Variants in MT1E observed in about 807,000 individuals in gnomAD.
MT1E encodes metallothionein-1E.
In MT1E, 1 loss-of-function variant was observed where a neutral mutation model predicts 2.4. The ratio of observed to expected loss-of-function variants is 0.41; its 90% CI spans 0.15 to 1.97. MT1E has a LOEUF of 1.97. Among genes scored for constraint, MT1E ranks in the 30% most tolerant of loss-of-function variants. MT1E has a pLI of 0.30. For synonymous variants in MT1E, 78 were observed against 63.0 expected, an observed-to-expected ratio of 1.24 and a Z score of -1.13; for missense variants, 145 against 149.6, an observed-to-expected ratio of 0.97 and a Z score of 0.16.
chr16:56,626,809 G>C lies in MT1E; in HGVS notation c.372G>C (p.Gln124His), dbSNP rs564770777. The C allele has an allele frequency of 6.2e-6, 10 of 1,614,160 alleles. No homozygotes were observed. The highest frequency in any genetic ancestry group is 5.3e-5 in the African/African-American group (4 of 75,056). ...GGGTCTGGGTTCTGAGCTCGAGCCA[G>C]GCTTGCTATTAGGGCAGGGAGGTGC... The part of the protein sequence containing the change: ...ILWVWVLSSS[Q>H]ACY Residue 124 changes from glutamine (Q) to histidine (H), a missense_variant, in exon 2 of 2, where the codon CAG (glutamine) becomes CAC (histidine). By Grantham distance (24) the Gln-to-His change is conservative. Coordinates refer to ENST00000330439, the MANE Select transcript of MT1E (RefSeq NM_001363555.2).
chr16:56,626,992 C>G lies in MT1E; in HGVS notation c.*171C>G, dbSNP rs1259488103. 1.2e-6 allele frequency: 2 copies of G among 1,613,932 alleles called. No individual in the cohort carries two copies. The highest frequency in any genetic ancestry group is 1.7e-6 in the Non-Finnish European group (2 of 1,179,902). ...CCTGATGTGGGAACAGCTCTTCTCC[C>G]AGATGTAAATAGAACAACCTGCACA... On this transcript the variant is annotated 3_prime_UTR_variant, in exon 2 of 2. Coordinates refer to ENST00000330439, the MANE Select transcript of MT1E (RefSeq NM_001363555.2).
At position 56,626,662 on chromosome 16, in the gene MT1E, C is replaced by T. The variant is rs1416166618; in HGVS notation, c.225C>T (p.Leu75=). The change falls in exon 2 of 2, where the codon CTC becomes CTT. Residue 75 remains leucine (L), a synonymous_variant. Transcript: ENST00000330439. ...CCTCATTGCCCGTGTCATTCCCTCTCCAGGCTTTCTGCCCTAAATTCAGAT... is the reference window on the plus strand; with the variant it reads ...CCTCATTGCCCGTGTCATTCCCTCTTCAGGCTTTCTGCCCTAAATTCAGAT... ...SLPSLPVSFP[L]QAFCPKFRWG... 1 of 1,601,010 alleles carries T rather than the reference C, an allele frequency of 6.2e-7. No individual in the cohort carries two copies. Among genetic ancestry groups the T allele is most frequent in the African/African-American group, 1.3e-5 (1 of 74,684 alleles).
In MT1E at chr16:56,625,781, A is replaced by C. The variant is rs1156640989; in HGVS notation, c.-71A>C. 8.2e-6 allele frequency: 13 copies of C among 1,578,754 alleles called. No homozygotes were observed. Among genetic ancestry groups the C allele is most frequent in the Non-Finnish European group, 1.1e-5 (13 of 1,149,776 alleles). On this transcript the variant is annotated 5_prime_UTR_variant, in exon 1 of 2. Transcript: ENST00000330439. ...ATAGAGCAGCCAGTTGCAGGGCTCC[A>C]TTCTGCTTTCCAACTGCCTGACTGC...
chr16:56,626,575 G>T lies in MT1E; in HGVS notation c.138G>T (p.Arg46Ser), dbSNP rs764587067. 3 of 1,614,134 alleles carry T rather than the reference G, an allele frequency of 1.9e-6. No homozygotes were observed. Among genetic ancestry groups the T allele is most frequent in the Non-Finnish European group, 2.5e-6 (3 of 1,180,050 alleles). Residue 46 changes from arginine (R) to serine (S), a missense_variant, in exon 2 of 2, where the codon AGG becomes AGT. Transcript: ENST00000330439. The part of the protein sequence containing the change: ...AISRNLGLWL[R>S]LGGNSRLALS... ...CCAGGAATCTGGGGCTGTGGCTCAG[G>T]TTGGGAGGGAACTCAAGGCTGGCCC...
chr16:56,627,069 TA>T lies in MT1E; in HGVS notation c.*249del. On this transcript the variant is annotated 3_prime_UTR_variant, in exon 2 of 2. Coordinates refer to ENST00000330439, the MANE Select transcript of MT1E (RefSeq NM_001363555.2). ...CTGAGCCATTTGCTGCATTTCTTTT[TA>T]TACTAAATATGTGACTGACAATAAA... The T allele has an allele frequency of 6.9e-7, 1 of 1,452,892 alleles. No individual in the cohort carries two copies. Among genetic ancestry groups the T allele is most frequent in the Non-Finnish European group, 9.4e-7 (1 of 1,063,354 alleles). The allele number at this position is 1,452,892 out of a possible 1,614,324, so 90.0% of individuals were successfully genotyped here.
Position 56,626,451 on chromosome 16 carries a change from T to G in MT1E, c.29-15T>G. The G allele has an allele frequency of 6.2e-7, 1 of 1,614,248 alleles. No individual in the cohort carries two copies. The highest frequency in any genetic ancestry group is 8.5e-7 in the Non-Finnish European group (1 of 1,180,044). On this transcript the variant is annotated splice_polypyrimidine_tract_variant and intron_variant, in intron 1 of 1. Transcript: ENST00000330439. ...ATCTCACTCACTGCCCACTGCGTTT[T>G]CCTCTTCCTTGTAGGTGGCTCCTGC... is the stretch of plus-strand genomic sequence containing the variant.
intron 1 of MT1E, 97 bp from the exon 2 acceptor site, chr16:56,626,369 G>A (rs1960208247): frequency 1.3e-6 from 2 of 1,565,206 alleles, no homozygotes; most frequent in Non-Finnish European, 1.8e-6. Context: ...CTGAGGGCTG[G>A]CCCTGCACAG....
chr16:56,625,953 C>T (rs2144308524), intron 1 of MT1E, 74 bp downstream of exon 1: 1 of 1,582,114 alleles, frequency 6.3e-7, no homozygotes, highest in Non-Finnish European at 8.7e-7. Flanking sequence ...TTCAGGAAGT[C>T]GCATTTTAAG....
At chr16:56,626,307 A>G (rs1275014122) in intron 1 of MT1E, among the ~76,000 whole-genome samples, 159 bp from the exon 2 acceptor site, 1 of 152,150 alleles carries the variant, frequency 6.6e-6, no homozygotes, top group African/African-American at 2.4e-5. Context: ...TCCCAGCGTT[A>G]GTGGAGAGGA....
chr16:56,626,485 C>G lies in MT1E; in HGVS notation c.48C>G (p.Ala16=), dbSNP rs372083092. The G allele has an allele frequency of 1.2e-6, 2 of 1,614,096 alleles. No individual in the cohort carries two copies. Among genetic ancestry groups the G allele is most frequent in the African/African-American group, 2.7e-5 (2 of 74,926 alleles). The change falls in exon 2 of 2, where the codon GCC becomes GCG. Residue 16 remains alanine, a synonymous_variant. Transcript: ENST00000330439. ...SCATGGSCTC[A]GSCKCKECKC... ...TTGTAGGTGGCTCCTGCACGTGCGC[C>G]GGCTCCTGCAAGTGCAAAGAGTGCA...
At position 56,626,902 on chromosome 16, in the gene MT1E, G is replaced by C. The variant is rs1289155237; in HGVS notation, c.*81G>C. 6.8e-6 allele frequency: 11 copies of C among 1,614,056 alleles called. No individual in the cohort carries two copies. Among genetic ancestry groups the C allele is most frequent in the South Asian group, 3.3e-5 (3 of 91,094 alleles). ...CAGGCTGCTGTTCCTGCTGCCCCGT[G>C]GGCTGTGCCAAGTGTGCCCAGGGCT... On this transcript the variant is annotated 3_prime_UTR_variant, in exon 2 of 2. Transcript: ENST00000330439.
rs771733635 is a variant in MT1E at position 56,626,455 on chromosome 16, C to T, written c.29-11C>T. On this transcript the variant is annotated splice_polypyrimidine_tract_variant and intron_variant, in intron 1 of 1. Transcript: ENST00000330439. ...CACTCACTGCCCACTGCGTTTTCCT[C>T]TTCCTTGTAGGTGGCTCCTGCACGT... is the stretch of plus-strand genomic sequence containing the variant. The T allele has an allele frequency of 1.9e-6, 3 of 1,614,146 alleles. No homozygotes were observed. Among genetic ancestry groups the T allele is most frequent in the African/African-American group, 1.3e-5 (1 of 74,944 alleles).
In MT1E at chr16:56,625,855, G is replaced by T; in HGVS notation, c.4G>T (p.Asp2Tyr). Reference protein sequence around the residue: MDPNCSCATGGS... With the variant: MYPNCSCATGGS... Reference sequence around the variant, plus strand: ...TCCAGCATCCCCTTTGCTCGAAATGGACCCCAACTGCTCTTGCGCCACTGG... The same window carrying T: ...TCCAGCATCCCCTTTGCTCGAAATGTACCCCAACTGCTCTTGCGCCACTGG... The change falls in exon 1 of 2, where the codon GAC becomes TAC. Residue 2 changes from aspartate to tyrosine, a missense_variant. Physicochemically the swap from Asp to Tyr is radical, Grantham distance 160. Transcript: ENST00000330439. The T allele has an allele frequency of 6.2e-7, 1 of 1,613,606 alleles. No individual in the cohort carries two copies. The highest frequency in any genetic ancestry group is 1.7e-5 in the Admixed American group (1 of 60,032).
At position 56,627,073 on chromosome 16, in the gene MT1E, C is replaced by A; in HGVS notation, c.*252C>A. 1 of 1,436,202 alleles carries A rather than the reference C, an allele frequency of 7.0e-7. No homozygotes were observed. Among genetic ancestry groups the A allele is most frequent in the Non-Finnish European group, 9.5e-7 (1 of 1,051,866 alleles). 89.0% of individuals were successfully genotyped at this position (1,436,202 alleles called of 1,614,324 possible). A position where few individuals can be genotyped will look rare whatever the true frequency, so the allele number is the denominator to read the frequency against. On this transcript the variant is annotated 3_prime_UTR_variant, in exon 2 of 2. Transcript: ENST00000330439. Reference sequence around the variant, plus strand: ...GCCATTTGCTGCATTTCTTTTTATACTAAATATGTGACTGACAATAAAAAC... The same window carrying A: ...GCCATTTGCTGCATTTCTTTTTATAATAAATATGTGACTGACAATAAAAAC...
chr16:56,626,861 C>T lies in MT1E; in HGVS notation c.*40C>T. 6.2e-7 allele frequency: 1 copy of T among 1,614,230 alleles called. No individual in the cohort carries two copies. Among genetic ancestry groups the T allele is most frequent in the South Asian group, 1.1e-5 (1 of 91,084 alleles). ...CGGTCAAGTCTACTGCCACCTCTCA[C>T]TCTCCCCTTCTTCCCCAGGCTGCTG... On this transcript the variant is annotated 3_prime_UTR_variant, in exon 2 of 2. Transcript: ENST00000330439.
At chr16:56,625,911 T>C (rs758664416) in intron 1 of MT1E, 32 bp downstream of exon 1, 1 of 1,613,836 alleles carries the variant, frequency 6.2e-7, no homozygotes, top group East Asian at 2.2e-5. Flanking sequence ...GGAATCCCCA[T>C]TTCCCAGCCC....
At chr16:56,626,018 C>T in intron 1 of MT1E, 139 bp downstream of exon 1, 3 of 1,026,674 alleles carry the variant, frequency 2.9e-6, no homozygotes, top group Admixed American at 1.8e-5. Flanking sequence ...CTGATCACGC[C>T]CCTGAGAGCA....
Position 56,626,477 on chromosome 16 carries a change from A to G in MT1E, c.40A>G (p.Thr14Ala), listed in dbSNP as rs1960210133. Reference protein sequence around the residue: ...NCSCATGGSCTCAGSCKCKEC... With the variant: ...NCSCATGGSCACAGSCKCKEC... ...CCTCTTCCTTGTAGGTGGCTCCTGC[A>G]CGTGCGCCGGCTCCTGCAAGTGCAA... is the stretch of plus-strand genomic sequence containing the variant. The change falls in exon 2 of 2, where the codon ACG becomes GCG. Residue 14 changes from threonine (T) to alanine (A), a missense_variant. Transcript: ENST00000330439. 1 of 1,613,986 alleles carries G rather than the reference A, an allele frequency of 6.2e-7. No homozygotes were observed. Among genetic ancestry groups the G allele is most frequent in the Non-Finnish European group, 8.5e-7 (1 of 1,179,816 alleles).
At chr16:56,626,168 T>TG (rs1278748203) in intron 1 of MT1E, among the ~76,000 whole-genome samples, 4 of 152,124 alleles carry the variant, frequency 2.6e-5, no homozygotes, top group Non-Finnish European at 5.9e-5. Context: ...TCAGTGTGGT[T>TG]GGGGGTGCTG....
Sources: allele counts gnomAD v4.1 joint callset (sites outside exome capture counted in the v4.1 genomes callset), GRCh38; gene constraint gnomAD v4.1.1; transcripts MANE v1.5; gene names NCBI Gene and HGNC (gene_info 2026-07-23, HGNC 2026-07-21).